The following FRMD6 variants were observed in gnomAD, a reference collection of about 807,000 sequenced individuals.
FRMD6 encodes FERM domain-containing protein 6.
FRMD6 carries 37 observed loss-of-function variants against 73.2 expected under a neutral mutation model. That is an observed-to-expected ratio of 0.51 (90% CI 0.39 to 0.66). The LOEUF is 0.66. Among genes scored for constraint, FRMD6 ranks in the 30% least tolerant of loss-of-function variants. The pLI is 0.00. For missense variants in FRMD6, 714 were observed against 780.5 expected, an observed-to-expected ratio of 0.91 and a Z score of 1.02; for synonymous variants, 273 against 282.2, an observed-to-expected ratio of 0.97 and a Z score of 0.33.
chr14:51,451,507 G>A, the FRMD6 span, among the ~76,000 whole-genome samples: 1 of 152,170 alleles, frequency 6.6e-6, no homozygotes, highest in Non-Finnish European at 1.5e-5. Context: ...GCAAGCAGCT[G>A]AGACTTCAGA....
chr14:51,608,892 G>T lies in FRMD6; in HGVS notation c.-147+38482G>T, dbSNP rs143067264. ...TGATCCATAAAGTGGCTACCACAATGCAGGGTGACAAATAAATGCACTGGT... is the reference window on the plus strand; with the variant it reads ...TGATCCATAAAGTGGCTACCACAATTCAGGGTGACAAATAAATGCACTGGT... On this transcript the variant is annotated intron_variant, in intron 2 of 14. Transcript: ENST00000356218. 3.9e-5 allele frequency among the ~76,000 whole-genome samples: 6 copies of T among 152,300 alleles called. No individual in the cohort carries two copies. The East Asian group carries it at 5.8e-4, about 15-fold the overall frequency.
At chr14:51,538,550 A>G (rs1352736260) in intron 1 of FRMD6, among the ~76,000 whole-genome samples, 1 of 152,122 alleles carries the variant, frequency 6.6e-6, no homozygotes, top group Non-Finnish European at 1.5e-5. Context: ...TAGGTCAATT[A>G]TATGTTTTGA....
chr14:51,509,980 A>G (rs1884204083), intron 1 of FRMD6, among the ~76,000 whole-genome samples: 1 of 152,238 alleles, frequency 6.6e-6, no homozygotes, highest in Non-Finnish European at 1.5e-5. Flanking sequence ...AGGCGGTCCA[A>G]GATTATTTTG....
At chr14:51,419,568 C>T in the FRMD6 span, among the ~76,000 whole-genome samples, 3 of 152,174 alleles carry the variant, frequency 2.0e-5, no homozygotes, top group African/African-American at 7.2e-5. Flanking sequence ...TCTTTAGGAA[C>T]CAAATGAGGG....
intron 11 of FRMD6, 108 bp from the exon 12 acceptor site, chr14:51,721,841 T>A: frequency 7.5e-7 from 1 of 1,329,942 alleles, no homozygotes; most frequent in Non-Finnish European, 1.0e-6. Flanking sequence ...ATTAGCAAAT[T>A]TATTTTCAAA....
In FRMD6 at chr14:51,530,781, C is replaced by T. The variant is rs148832758; in HGVS notation, c.-209-39567C>T. ...GGATTACAGGCAGGAACCACCATAC[C>T]CGGCTGCAAGATATTTATTAATTAG... On this transcript the variant is annotated intron_variant, in intron 1 of 14. Transcript: ENST00000356218. 2.5e-3 allele frequency among the ~76,000 whole-genome samples: 386 copies of T among 152,232 alleles called. 3 individuals are homozygous for T. Among genetic ancestry groups the T allele is most frequent in the Non-Finnish European group, 3.1e-3 (210 of 68,022 alleles).
Position 51,696,100 on chromosome 14 carries a change from A to G in FRMD6, c.100-2042A>G, listed in dbSNP as rs546364750. 5.3e-5 allele frequency among the ~76,000 whole-genome samples: 8 copies of G among 152,008 alleles called. No individual in the cohort carries two copies. In the East Asian group the frequency reaches 1.5e-3, roughly 29 times the overall value. On this transcript the variant is annotated intron_variant, in intron 2 of 13. Transcript: ENST00000344768. The stretch of plus-strand genomic sequence containing the variant: ...ATGTAATGCATATAGGTAAAATGAT[A>G]AACTGTCATGTTACAATATTTTAAT...
intron 2 of FRMD6, chr14:51,584,190 A>G (rs551729651): frequency 6.6e-6 from 1 of 152,348 alleles, no homozygotes; most frequent in Non-Finnish European, 1.5e-5. Flanking sequence ...AGAATACAGC[A>G]TAACTCTTCT....
chr14:51,559,751 A>G (rs1434289962), intron 1 of FRMD6, among the ~76,000 whole-genome samples: 1 of 152,192 alleles, frequency 6.6e-6, no homozygotes, highest in East Asian at 1.9e-4. Context: ...AAATAAGGTA[A>G]TCATTTTTTC....
At chr14:51,416,423 T>C in the FRMD6 span, among the ~76,000 whole-genome samples, 1 of 152,224 alleles carries the variant, frequency 6.6e-6, no homozygotes, top group Non-Finnish European at 1.5e-5. Flanking sequence ...CAGTAGTCAT[T>C]CGGGAGCAGG....
the FRMD6 span, among the ~76,000 whole-genome samples, chr14:51,482,019 C>G: frequency 2.6e-5 from 4 of 152,118 alleles, no homozygotes; most frequent in African/African-American, 9.7e-5. Flanking sequence ...TTATGGAAAC[C>G]TCAGCGCTTA....
chr14:51,410,251 T>A, the FRMD6 span, among the ~76,000 whole-genome samples: 1 of 152,210 alleles, frequency 6.6e-6, no homozygotes, highest in East Asian at 1.9e-4. Flanking sequence ...CACTACAGTG[T>A]GAGTACTGTC....
chr14:51,455,825 C>T, the FRMD6 span, among the ~76,000 whole-genome samples: 1 of 152,184 alleles, frequency 6.6e-6, no homozygotes, highest in East Asian at 1.9e-4. Flanking sequence ...TGGAACTCTC[C>T]ATTGCCGAGG....
At chr14:51,670,985 C>T (rs1014719372) in intron 1 of FRMD6, among the ~76,000 whole-genome samples, 2 of 152,186 alleles carry the variant, frequency 1.3e-5, no homozygotes, top group African/African-American at 4.8e-5. Context: ...TAAATTTTAT[C>T]AGCTGTTTTT....
At chr14:51,424,020 A>G in the FRMD6 span, among the ~76,000 whole-genome samples, 2 of 152,272 alleles carry the variant, frequency 1.3e-5, no homozygotes, top group Non-Finnish European at 2.9e-5. Flanking sequence ...AGCATTGTAT[A>G]TACAACAGTA....
At chr14:51,709,829 G>C (rs2140508560) in intron 7 of FRMD6, among the ~76,000 whole-genome samples, 1 of 152,258 alleles carries the variant, frequency 6.6e-6, no homozygotes, top group Middle Eastern at 3.4e-3. Context: ...TTTGGAATCA[G>C]ATGTCAATTA....
chr14:51,585,939 G>GTGTATA lies in FRMD6; in HGVS notation c.-147+15530_-147+15531insGTATAT. Among the ~76,000 whole-genome samples the GTGTATA allele has an allele frequency of 2.6e-3, 82 of 31,418 alleles. 6 individuals are homozygous for GTGTATA. Among genetic ancestry groups the GTGTATA allele is most frequent in the African/African-American group, 5.2e-3 (76 of 14,640 alleles). 20.6% of individuals were successfully genotyped at this position (31,418 alleles called of 152,430 possible). A position where few individuals can be genotyped will look rare whatever the true frequency, so the allele number is the denominator to read the frequency against. On this transcript the variant is annotated intron_variant, in intron 2 of 14. Transcript: ENST00000356218. ...TGCCATGGCATGTGTGTGTGTGTGT[G>GTGTATA]TATATATATATATATATATATAACA... is the stretch of plus-strand genomic sequence containing the variant.
chr14:51,422,630 T>A, the FRMD6 span, among the ~76,000 whole-genome samples: 1 of 152,190 alleles, frequency 6.6e-6, no homozygotes, highest in African/African-American at 2.4e-5. Flanking sequence ...GCAATAAAAT[T>A]GATTAGTAAG....
intron 9 of FRMD6, chr14:51,713,717 G>C (rs1226399855): frequency 2.0e-5 from 3 of 152,080 alleles, no homozygotes; most frequent in African/African-American, 4.8e-5. Context: ...TTAATTACTT[G>C]GGCACGATTC....
Sources: allele counts gnomAD v4.1 joint callset (sites outside exome capture counted in the v4.1 genomes callset), GRCh38; gene constraint gnomAD v4.1.1; transcripts MANE v1.5; gene names NCBI Gene and HGNC (gene_info 2026-07-23, HGNC 2026-07-21).